The following GPR158 variants were observed in gnomAD, a reference collection of about 807,000 sequenced individuals.
The protein encoded by GPR158 is G protein-coupled receptor 158, also known as metabotropic glycine receptor.
A neutral mutation model predicts 78.2 loss-of-function variants in GPR158; 30 were observed. That is an observed-to-expected ratio of 0.38 (90% CI 0.29 to 0.52). The LOEUF (loss-of-function observed/expected upper bound fraction) is 0.52. Among genes scored for constraint, GPR158 ranks in the 20% least tolerant of loss-of-function variants. GPR158 has a pLI of 0.83. For missense variants in GPR158, 1,463 were observed against 1,523.5 expected (o/e 0.96, Z 0.66); for synonymous variants, 581 against 591.1 (o/e 0.98, Z 0.25).
At chr10:25,390,694 T>G (rs957676439) in intron 2 of GPR158, among the ~76,000 whole-genome samples, 2 of 152,240 alleles carry the variant, frequency 1.3e-5, no homozygotes, top group Admixed American at 6.5e-5. Flanking sequence ...GAGCATACAA[T>G]TTTGGAAAAT....
At chr10:25,492,401 T>TTTTTTC (rs1835822463) in intron 5 of GPR158, among the ~76,000 whole-genome samples, 1 of 149,260 alleles carries the variant, frequency 6.7e-6, no homozygotes, top group Non-Finnish European at 1.5e-5. Flanking sequence ...GTGGCACTTT[T>TTTTTTC]TTTTTCTTTT....
At chr10:25,597,726 G>T (rs771435525) in intron 10 of GPR158, 46 bp from the exon 11 acceptor site, 2 of 1,440,806 alleles carry the variant, frequency 1.4e-6, no homozygotes, top group East Asian at 4.6e-5. Flanking sequence ...TCTATGACTG[G>T]AACACTAAAT....
chr10:25,325,771 C>G (rs1855021036), intron 2 of GPR158, among the ~76,000 whole-genome samples: 1 of 152,098 alleles, frequency 6.6e-6, no homozygotes, highest in Non-Finnish European at 1.5e-5. Context: ...CTCACCAGCC[C>G]TTGTTATCTT....
intron 2 of GPR158, among the ~76,000 whole-genome samples, chr10:25,291,577 G>A (rs1156839843): frequency 6.6e-6 from 1 of 151,868 alleles, no homozygotes. Context: ...TAGAACTAAA[G>A]TTAGCATACC....
chr10:25,285,503 A>T (rs1439709288), intron 2 of GPR158, among the ~76,000 whole-genome samples: 1 of 152,178 alleles, frequency 6.6e-6, no homozygotes, highest in Non-Finnish European at 1.5e-5. Context: ...AGGAGGCACT[A>T]GTGTAAGTCC....
intron 2 of GPR158, among the ~76,000 whole-genome samples, chr10:25,226,398 A>G (rs1299328496): frequency 1.3e-5 from 2 of 152,200 alleles, no homozygotes; most frequent in Admixed American, 1.3e-4. Context: ...GTTTCCTTGT[A>G]CACTTGTCAG....
intron 2 of GPR158, among the ~76,000 whole-genome samples, chr10:25,389,460 CGTT>C (rs1554799607): frequency 6.6e-6 from 1 of 152,164 alleles, no homozygotes; most frequent in Non-Finnish European, 1.5e-5. Flanking sequence ...GCTGAACACT[CGTT>C]GGAACACTCT....
intron 5 of GPR158, among the ~76,000 whole-genome samples, chr10:25,513,564 G>C (rs1161209140): frequency 6.6e-6 from 1 of 151,076 alleles, no homozygotes; most frequent in African/African-American, 2.4e-5. Flanking sequence ...TGCTGAGTTT[G>C]GGTTTGGATT....
chr10:25,522,360 C>T (rs1836289476), intron 5 of GPR158, among the ~76,000 whole-genome samples: 1 of 152,194 alleles, frequency 6.6e-6, no homozygotes, highest in Non-Finnish European at 1.5e-5. Context: ...GGACATCCAT[C>T]TGAGTCCTGT....
chr10:25,483,680 A>T (rs1835694208), intron 5 of GPR158, among the ~76,000 whole-genome samples: 1 of 152,172 alleles, frequency 6.6e-6, no homozygotes, highest in Non-Finnish European at 1.5e-5. Flanking sequence ...TACATACTGG[A>T]TGCTTAAAAA....
At chr10:25,250,893 G>T (rs1853786984) in intron 2 of GPR158, among the ~76,000 whole-genome samples, 1 of 151,592 alleles carries the variant, frequency 6.6e-6, no homozygotes, top group Admixed American at 6.6e-5. Flanking sequence ...TCGTTGATCT[G>T]TCTAATGTTG....
rs748694965 is a variant in GPR158 at position 25,506,138 on chromosome 10, T to C, written c.1404+39419T>C. On this transcript the variant is annotated intron_variant, in intron 5 of 10. Transcript: ENST00000376351. ...AAGTGTGATTTGCCTTTAAGTGCTATAATCCCACCATAGCCAGTTATGGAT... is the reference window on the plus strand; with the variant it reads ...AAGTGTGATTTGCCTTTAAGTGCTACAATCCCACCATAGCCAGTTATGGAT... Among the ~76,000 whole-genome samples the C allele has an allele frequency of 5.3e-5, 8 of 152,356 alleles. 1 individual carries two copies. The South Asian group carries it at 1.7e-3, about 32-fold the overall frequency.
At chr10:25,326,654 G>A (rs1855038212) in intron 2 of GPR158, among the ~76,000 whole-genome samples, 1 of 152,106 alleles carries the variant, frequency 6.6e-6, no homozygotes, top group Admixed American at 6.5e-5. Flanking sequence ...AGTTAGACAG[G>A]ATAAATAAAT....
chr10:25,501,142 G>A (rs925954979), intron 5 of GPR158, among the ~76,000 whole-genome samples: 4 of 152,214 alleles, frequency 2.6e-5, no homozygotes, highest in South Asian at 4.2e-4. Context: ...GAAATCCCCC[G>A]GGTCATGGCA....
intron 2 of GPR158, among the ~76,000 whole-genome samples, chr10:25,275,704 G>T (rs2130747691): frequency 6.6e-6 from 1 of 152,160 alleles, no homozygotes; most frequent in Non-Finnish European, 1.5e-5. Flanking sequence ...CCATGATAAA[G>T]CATTTACATA....
At chr10:25,235,873 T>A (rs1853515904) in intron 2 of GPR158, among the ~76,000 whole-genome samples, 1 of 151,916 alleles carries the variant, frequency 6.6e-6, no homozygotes, top group Non-Finnish European at 1.5e-5. Context: ...ATTTTTTGTA[T>A]TTTTAGTAGA....
At chr10:25,440,302 A>C (rs138018669) in intron 4 of GPR158, among the ~76,000 whole-genome samples, 224 of 152,226 alleles carry the variant, frequency 1.5e-3, no homozygotes, top group African/African-American at 5.3e-3. Flanking sequence ...TGAGGGGTGG[A>C]TAGGGCTGTT....
intron 5 of GPR158, among the ~76,000 whole-genome samples, chr10:25,472,965 G>A (rs893275733): frequency 1.3e-5 from 2 of 151,912 alleles, no homozygotes; most frequent in Admixed American, 6.6e-5. Context: ...CTGCCTGATT[G>A]CCCTGGCCAG....
In GPR158 at chr10:25,384,160, T is replaced by G. The variant is rs542178219; in HGVS notation, c.1009-11751T>G. On this transcript the variant is annotated intron_variant, in intron 2 of 10. Coordinates refer to ENST00000376351, the MANE Select transcript of GPR158 (RefSeq NM_020752.3). ...CCAGATATGCAGGCAGTTGTAACTA[T>G]GATTTGAAAGGGAGAAAAGACATTT... is the stretch of plus-strand genomic sequence containing the variant. Among the ~76,000 whole-genome samples, 19 of 152,306 alleles carry G rather than the reference T, an allele frequency of 1.2e-4. No individual in the cohort carries two copies. The South Asian group carries it at 3.5e-3, about 28-fold the overall frequency.
Sources: gnomAD v4.1 joint callset for allele counts (sites outside exome capture counted in the v4.1 genomes callset) on GRCh38, gnomAD v4.1.1 for gene constraint, MANE v1.5 for transcripts, NCBI Gene and HGNC (gene_info 2026-07-23, HGNC 2026-07-21) for gene names.